The following GSE1 variants were observed in gnomAD, a reference collection of about 807,000 sequenced individuals.
GSE1 encodes the protein genetic suppressor element 1.
Under a neutral mutation model 112.6 loss-of-function variants are expected in GSE1, and 32 were observed. That is an observed-to-expected ratio of 0.28 (90% CI 0.21 to 0.38). The LOEUF (loss-of-function observed/expected upper bound fraction) is 0.38, where lower values mean the gene tolerates loss of function less well. GSE1 is among the 10% of genes least tolerant of loss of function. GSE1 has a pLI of 1.00. For missense variants in GSE1, 2,348 were observed against 1,699.2 expected (o/e 1.38, Z -6.71); for synonymous variants, 1,115 against 735.6 (o/e 1.52, Z -8.35).
chr16:85,383,536 T>TCC (rs1421820831), intron 2 of GSE1, among the ~76,000 whole-genome samples: 5 of 4,392 alleles, frequency 1.1e-3, no homozygotes, highest in East Asian at 0.012. Context: ...CGTCTCTCTC[T>TCC]CTCTCTCTCT....
rs193030414 is a variant in GSE1, at chr16:85,325,949, A to G, written c.2284-31514A>G. Reference sequence around the variant, plus strand: ...TTTTTAGTAGAGAGGGGGTTTCACCATGTTGGTCAGGCTGGTCTCGAACTC... The same window carrying G: ...TTTTTAGTAGAGAGGGGGTTTCACCGTGTTGGTCAGGCTGGTCTCGAACTC... On this transcript the variant is annotated intron_variant, in intron 1 of 2. Transcript: ENST00000637419. Among the ~76,000 whole-genome samples the G allele has an allele frequency of 3.2e-3, 481 of 150,990 alleles. 1 individual carries two copies. Among genetic ancestry groups the G allele is most frequent in the African/African-American group, 0.011 (462 of 40,948 alleles).
intron 1 of GSE1, among the ~76,000 whole-genome samples, chr16:85,265,335 C>T (rs191449017): frequency 7.9e-4 from 120 of 152,248 alleles, no homozygotes; most frequent in Non-Finnish European, 1.2e-3. Flanking sequence ...GCGGCCACCT[C>T]CGCTGGGTGG....
At chr16:85,236,048 G>GGCTGGGGCTGGT (rs1308704768) in intron 1 of GSE1, among the ~76,000 whole-genome samples, 4 of 152,028 alleles carry the variant, frequency 2.6e-5, no homozygotes, top group African/African-American at 9.7e-5. Context: ...CTGGGGCTGG[G>GGCTGGGGCTGGT]GCTGGTGCCG....
At chr16:85,522,015 C>A (rs1201374372) in intron 2 of GSE1, among the ~76,000 whole-genome samples, 1 of 152,212 alleles carries the variant, frequency 6.6e-6, no homozygotes, top group African/African-American at 2.4e-5. Flanking sequence ...CCATGGGAAC[C>A]TCTCCAGAGC....
intron 2 of GSE1, among the ~76,000 whole-genome samples, chr16:85,499,548 C>T (rs1044066963): frequency 2.3e-4 from 35 of 151,952 alleles, no homozygotes; most frequent in African/African-American, 5.8e-4. Context: ...CCTTGTGATC[C>T]GCCCGCCTCA....
intron 1 of GSE1, among the ~76,000 whole-genome samples, chr16:85,578,584 A>T (rs1268735255): frequency 6.6e-6 from 1 of 152,224 alleles, no homozygotes; most frequent in African/African-American, 2.4e-5. Flanking sequence ...TAAAGGGCTA[A>T]CTGACTTGCC....
intron 1 of GSE1, among the ~76,000 whole-genome samples, chr16:85,323,191 T>A (rs1429917881): frequency 2.0e-5 from 3 of 152,154 alleles, no homozygotes; most frequent in Non-Finnish European, 4.4e-5. Context: ...AGGGCTGCAG[T>A]CTCAAAACCA....
chr16:85,637,902 C>T (rs1043318476), intron 2 of GSE1, among the ~76,000 whole-genome samples: 5 of 152,166 alleles, frequency 3.3e-5, no homozygotes, highest in South Asian at 2.1e-4. Flanking sequence ...CTCCTGGCGA[C>T]GGCACGTCCT....
upstream of GSE1, among the ~76,000 whole-genome samples, chr16:85,553,200 AAAGCGGGGGCTG>A (rs891986104): frequency 6.6e-6 from 1 of 151,064 alleles, no homozygotes; most frequent in African/African-American, 2.4e-5. Flanking sequence ...GTGGGAGGGG[AAAGCGGGGGCTG>A]GAGCGGAGGC....
At chr16:85,317,480 C>G (rs2046010467) in intron 1 of GSE1, among the ~76,000 whole-genome samples, 1 of 152,188 alleles carries the variant, frequency 6.6e-6, no homozygotes. Flanking sequence ...CCCAGCCCCT[C>G]AGGTGGTATA....
At chr16:85,667,510 C>A (rs1264493414) in intron 13 of GSE1, among the ~76,000 whole-genome samples, 1 of 152,216 alleles carries the variant, frequency 6.6e-6, no homozygotes, top group African/African-American at 2.4e-5. Flanking sequence ...ACAGCCACGC[C>A]TTGTGAGAGG....
chr16:85,500,998 GTTTT>G (rs55650214), intron 2 of GSE1, among the ~76,000 whole-genome samples: 1 of 64,826 alleles, frequency 1.5e-5, no homozygotes, highest in Non-Finnish European at 2.6e-5. Flanking sequence ...GGCCTGTTCT[GTTTT>G]TTTTTTTTTT....
chr16:85,618,008 C>G (rs1430585442), intron 1 of GSE1, among the ~76,000 whole-genome samples: 3 of 152,166 alleles, frequency 2.0e-5, no homozygotes, highest in African/African-American at 7.2e-5. Flanking sequence ...GAAGGTCATT[C>G]TTGCCTGGCC....
intron 2 of GSE1, among the ~76,000 whole-genome samples, chr16:85,470,112 A>C (rs1050790322): frequency 2.0e-5 from 3 of 152,218 alleles, no homozygotes; most frequent in African/African-American, 7.2e-5. Context: ...GGGAGCCCCC[A>C]TCCATGTTCC....
chr16:85,386,327 T>G (rs2047688126), intron 2 of GSE1, among the ~76,000 whole-genome samples: 1 of 152,152 alleles, frequency 6.6e-6, no homozygotes, highest in Admixed American at 6.5e-5. Flanking sequence ...GCTGCCTGGG[T>G]CAAACCTGGT....
chr16:85,658,324 C>G (rs1182440306), intron 8 of GSE1, among the ~76,000 whole-genome samples: 1 of 152,172 alleles, frequency 6.6e-6, no homozygotes, highest in Non-Finnish European at 1.5e-5. Context: ...TGCCAGCCTT[C>G]CATAGCTCTG....
At chr16:85,294,648 T>TCTCC (rs992499511) in intron 1 of GSE1, among the ~76,000 whole-genome samples, 3 of 124,186 alleles carry the variant, frequency 2.4e-5, no homozygotes, top group Admixed American at 7.6e-5. Flanking sequence ...TCTCTCTCTC[T>TCTCC]CTCTCTCTCT....
At chr16:85,637,511 C>A (rs1382561345) in intron 2 of GSE1, among the ~76,000 whole-genome samples, 2 of 152,104 alleles carry the variant, frequency 1.3e-5, no homozygotes, top group African/African-American at 4.8e-5. Context: ...CCCTTGATCG[C>A]GGCAGTGGCT....
chr16:85,453,303 T>C (rs75526113), intron 2 of GSE1, among the ~76,000 whole-genome samples: 3,379 of 152,174 alleles, frequency 0.022, 123 homozygotes, highest in African/African-American at 0.078. Flanking sequence ...CTACCTCCCT[T>C]CCCTCCGCGG....
Sources: allele counts gnomAD v4.1 joint callset (sites outside exome capture counted in the v4.1 genomes callset), GRCh38; gene constraint gnomAD v4.1.1; transcripts MANE v1.5; gene names NCBI Gene and HGNC (gene_info 2026-07-23, HGNC 2026-07-21).